PIK3R3: variants seen among roughly 807,000 people sequenced by gnomAD.
PIK3R3 encodes phosphatidylinositol 3-kinase regulatory subunit gamma.
A neutral mutation model predicts 62.9 loss-of-function variants in PIK3R3; 64 were observed. That is an observed-to-expected ratio of 1.02 (90% confidence interval 0.83 to 1.25). The LOEUF (loss-of-function observed/expected upper bound fraction) is 1.25. Among genes scored for constraint, PIK3R3 ranks in the 50% most tolerant of loss-of-function variants. The probability of loss-of-function intolerance (pLI) is 0.00; values close to 1 mark genes in which losing one functional copy is unlikely to be tolerated. For synonymous variants in PIK3R3, 165 were observed against 189.0 expected (o/e 0.87, Z 1.04); for missense variants, 614 against 561.6 (o/e 1.09, Z -0.94).
chr1:46,146,421 C>T, the PIK3R3 span, among the ~76,000 whole-genome samples: 3 of 152,130 alleles, frequency 2.0e-5, no homozygotes, highest in Non-Finnish European at 2.9e-5. Flanking sequence ...CAGCCACAAA[C>T]TCTAAAAATC....
intron 3 of PIK3R3, among the ~76,000 whole-genome samples, chr1:46,074,972 T>C (rs907167119): frequency 2.0e-5 from 3 of 152,210 alleles, no homozygotes; most frequent in African/African-American, 4.8e-5. Flanking sequence ...TTAGGGCATA[T>C]TTAGAAGCTC....
chr1:46,140,722 G>C, the PIK3R3 span, among the ~76,000 whole-genome samples: 5 of 152,166 alleles, frequency 3.3e-5, no homozygotes, highest in African/African-American at 1.2e-4. Flanking sequence ...AAAGAAACAT[G>C]GAGTGGATTC....
At chr1:46,060,048 C>T (rs1167862764) in intron 6 of PIK3R3, among the ~76,000 whole-genome samples, 5 of 152,050 alleles carry the variant, frequency 3.3e-5, no homozygotes, top group African/African-American at 4.8e-5. Flanking sequence ...TGCAGTGAGC[C>T]GAAATCGCAC....
chr1:46,171,414 G>A, the PIK3R3 span, among the ~76,000 whole-genome samples: 5 of 152,218 alleles, frequency 3.3e-5, no homozygotes, highest in African/African-American at 1.2e-4. Context: ...TGGGAAGAAG[G>A]GTTAAGCACT....
chr1:46,070,438 G>C (rs908149526), intron 3 of PIK3R3, among the ~76,000 whole-genome samples: 8 of 152,208 alleles, frequency 5.3e-5, no homozygotes, highest in African/African-American at 1.9e-4. Context: ...GAAATTAAAA[G>C]CAAGTTCTAT....
chr1:46,128,917 C>T (rs775717215), intron 1 of PIK3R3, among the ~76,000 whole-genome samples: 9 of 152,006 alleles, frequency 5.9e-5, no homozygotes, highest in Non-Finnish European at 1.0e-4. Context: ...ACTAACAATA[C>T]AAAAATTAGC....
rs761821837 is a variant in PIK3R3 at position 46,046,630 on chromosome 1, CAGAGG to C, written c.942-10_942-6del. 27 of 1,607,864 alleles carry C rather than the reference CAGAGG, an allele frequency of 1.7e-5. No homozygotes were observed. In the African/African-American group the frequency reaches 3.3e-4, roughly 20 times the overall value. ...ACTCCTTTGTGATTGAGCCATCTGC[CAGAGG>C]AAAGACACCAGTGTCAGTATCCATG... On this transcript the variant is annotated splice_region_variant and splice_polypyrimidine_tract_variant and intron_variant, in intron 7 of 9. Coordinates refer to ENST00000262741, the MANE Select transcript of PIK3R3 (RefSeq NM_003629.4).
chr1:46,102,344 T>C (rs1652777077), intron 1 of PIK3R3, among the ~76,000 whole-genome samples: 1 of 152,180 alleles, frequency 6.6e-6, no homozygotes, highest in African/African-American at 2.4e-5. Context: ...TCAATAAAGC[T>C]TTTTAAAAAT....
chr1:46,043,841 G>C lies in PIK3R3; in HGVS notation c.1218C>G (p.Ile406Met). 1.2e-6 allele frequency: 2 copies of C among 1,613,988 alleles called. No homozygotes were observed. The highest frequency in any genetic ancestry group is 1.7e-6 in the Non-Finnish European group (2 of 1,179,958). ...AGCCATAGCCCCGAGCAGTGCTGTA[G>C]ATCACACAGTGCTTCACTTCCCCAT... ...VADGEVKHCVIYSTARGYGFA... is the reference protein window; with the variant it reads ...VADGEVKHCVMYSTARGYGFA... The change falls in exon 10 of 10, where the codon ATC becomes ATG. Residue 406 changes from isoleucine (I) to methionine (M), a missense_variant. Ile to Met is a conservative substitution (Grantham distance 10, BLOSUM62 1). Coordinates refer to ENST00000262741, the MANE Select transcript of PIK3R3 (RefSeq NM_003629.4).
the PIK3R3 span, among the ~76,000 whole-genome samples, chr1:46,140,851 T>G: frequency 1.3e-5 from 2 of 150,894 alleles, no homozygotes; most frequent in Non-Finnish European, 3.0e-5. Context: ...TGTTTTTTTG[T>G]TTTTTGTTTT....
intron 1 of PIK3R3, among the ~76,000 whole-genome samples, chr1:46,094,796 T>G (rs1015223693): frequency 2.6e-5 from 4 of 152,190 alleles, no homozygotes; most frequent in African/African-American, 9.7e-5. Flanking sequence ...TCAGACACTG[T>G]TGGCAAAACT....
the PIK3R3 span, among the ~76,000 whole-genome samples, chr1:46,145,586 A>G: frequency 2.6e-5 from 4 of 152,114 alleles, no homozygotes; most frequent in African/African-American, 9.7e-5. Flanking sequence ...ATTCCCATGA[A>G]TTCAAGACCT....
intron 1 of PIK3R3, among the ~76,000 whole-genome samples, chr1:46,090,448 C>T (rs1328954358): frequency 6.6e-6 from 1 of 152,182 alleles, no homozygotes; most frequent in Non-Finnish European, 1.5e-5. Context: ...TCTCCTCCCT[C>T]AGCCTCCCGG....
intron 1 of PIK3R3, among the ~76,000 whole-genome samples, chr1:46,100,425 T>C (rs1459357235): frequency 2.6e-5 from 4 of 152,206 alleles, no homozygotes; most frequent in African/African-American, 9.6e-5. Flanking sequence ...ATGCTCACTG[T>C]CATGTATTAA....
chr1:46,115,408 G>A (rs191907797), intron 1 of PIK3R3, among the ~76,000 whole-genome samples: 7 of 152,268 alleles, frequency 4.6e-5, no homozygotes, highest in Non-Finnish European at 8.8e-5. Context: ...CATAGAAAAT[G>A]TACTAGAAAA....
At chr1:46,170,377 T>C in the PIK3R3 span, among the ~76,000 whole-genome samples, 2 of 152,300 alleles carry the variant, frequency 1.3e-5, no homozygotes, top group South Asian at 4.2e-4. Flanking sequence ...AGAAATGTGT[T>C]CTCATGGACA....
At chr1:46,124,563 G>A (rs1247303839) in intron 1 of PIK3R3, among the ~76,000 whole-genome samples, 1 of 152,106 alleles carries the variant, frequency 6.6e-6, no homozygotes, top group African/African-American at 2.4e-5. Flanking sequence ...TTGGGAGGCC[G>A]AGGCGGGAAG....
Position 46,042,211 on chromosome 1 carries a change from C to T in PIK3R3, c.*1462G>A, listed in dbSNP as rs1355684446. ...GCAGGAATAGATGCCTGCCCCCACT[C>T]CATTTGCCTAGCTTCACTCAGCTGG... On this transcript the variant is annotated 3_prime_UTR_variant, in exon 10 of 10. Transcript: ENST00000262741. The surrounding 1 kb of genome is among the most constrained non-coding windows in gnomAD (Gnocchi z 4.3). The T allele has an allele frequency of 4.5e-6, 1 of 224,562 alleles. No individual in the cohort carries two copies. Among genetic ancestry groups the T allele is most frequent in the Non-Finnish European group, 8.9e-6 (1 of 112,696 alleles). The allele number at this position is 224,562 out of a possible 1,614,324, so 13.9% of individuals were successfully genotyped here.
chr1:46,076,576 C>A (rs891678990), intron 3 of PIK3R3, among the ~76,000 whole-genome samples: 2 of 152,168 alleles, frequency 1.3e-5, no homozygotes, highest in African/African-American at 4.8e-5. Flanking sequence ...TTCTTTAGCT[C>A]TTTACCAGAA....
Sources: gnomAD v4.1 joint callset for allele counts (sites outside exome capture counted in the v4.1 genomes callset) on GRCh38, gnomAD v4.1.1 for gene constraint, Gnocchi (gnomAD v3.1) non-coding constraint, MANE v1.5 for transcripts, NCBI Gene and HGNC (gene_info 2026-07-23, HGNC 2026-07-21) for gene names.